Variants in TYW1 observed in about 807,000 individuals in gnomAD.
The protein encoded by TYW1 is tRNA-yW synthesizing protein 1 homolog, also known as S-adenosyl-L-methionine-dependent tRNA 4-demethylwyosine synthase TYW1.
In TYW1, 46 loss-of-function variants were observed where a neutral mutation model predicts 96.2. The ratio of observed to expected loss-of-function variants is 0.48; its 90% CI spans 0.38 to 0.61. The LOEUF is 0.61. TYW1 is among the 20% of genes least tolerant of loss of function. The pLI is 0.00. For missense variants in TYW1, 684 were observed against 909.6 expected, an observed-to-expected ratio of 0.75 and a Z score of 3.19; for synonymous variants, 274 against 323.0, an observed-to-expected ratio of 0.85 and a Z score of 1.63.
chr7:67,083,670 G>T, intron 11 of TYW1, 131 bp downstream of exon 11: 1 of 965,916 alleles, frequency 1.0e-6, no homozygotes, highest in East Asian at 2.7e-5. Context: ...TGAAAACTTT[G>T]TAGGAATATT....
intron 12 of TYW1, 31 bp from the exon 13 acceptor site, chr7:67,117,452 T>G: frequency 6.3e-7 from 1 of 1,588,798 alleles, no homozygotes; most frequent in Non-Finnish European, 8.5e-7. Flanking sequence ...GAATAATTTT[T>G]CTTTCTTCTT....
At chr7:67,221,651 C>T (rs1180616601) in intron 15 of TYW1, among the ~76,000 whole-genome samples, 2 of 151,540 alleles carry the variant, frequency 1.3e-5, no homozygotes, top group Non-Finnish European at 2.9e-5. Context: ...TGTGTAGATG[C>T]TGTAGCTATT....
intron 13 of TYW1, among the ~76,000 whole-genome samples, chr7:67,134,290 C>CTCAG (rs1798177040): frequency 6.6e-6 from 1 of 152,066 alleles, no homozygotes; most frequent in East Asian, 1.9e-4. Flanking sequence ...CGCCTGTAAT[C>CTCAG]TCAGCACTTT....
intron 8 of TYW1, among the ~76,000 whole-genome samples, chr7:67,055,397 G>A (rs1795476214): frequency 6.6e-6 from 1 of 152,068 alleles, no homozygotes; most frequent in East Asian, 1.9e-4. Context: ...AGGAGTTCGA[G>A]ACCAGCCTGG....
At chr7:67,219,698 GT>G (rs60226540) in intron 15 of TYW1, among the ~76,000 whole-genome samples, 39,992 of 147,276 alleles carry the variant, frequency 0.27, 5,633 homozygotes, top group African/African-American at 0.36. Flanking sequence ...CACTCTTACA[GT>G]TTTTTTTTTT....
intron 14 of TYW1, among the ~76,000 whole-genome samples, chr7:67,185,452 A>T (rs1425777236): frequency 6.6e-6 from 1 of 152,066 alleles, no homozygotes; most frequent in Non-Finnish European, 1.5e-5. Flanking sequence ...TACATTTAGG[A>T]TTCCTTTTGG....
intron 7 of TYW1, among the ~76,000 whole-genome samples, chr7:67,047,142 G>C (rs1795211811): frequency 6.6e-6 from 1 of 152,198 alleles, no homozygotes; most frequent in Non-Finnish European, 1.5e-5. Flanking sequence ...ATGATTTGTA[G>C]AGGAATTATA....
chr7:67,166,949 C>T (rs566656705), intron 13 of TYW1, among the ~76,000 whole-genome samples: 119 of 152,268 alleles, frequency 7.8e-4, no homozygotes, highest in African/African-American at 2.6e-3. Context: ...GCCAGACAAT[C>T]GCACGGCCAT....
At chr7:67,085,184 C>A (rs545702046) in intron 11 of TYW1, among the ~76,000 whole-genome samples, 1 of 152,142 alleles carries the variant, frequency 6.6e-6, no homozygotes, top group African/African-American at 2.4e-5. Context: ...GCCACTCATT[C>A]GTAATATTAT....
intron 13 of TYW1, among the ~76,000 whole-genome samples, chr7:67,163,948 C>T (rs1003742420): frequency 2.0e-4 from 30 of 152,140 alleles, no homozygotes; most frequent in Admixed American, 1.7e-3. Context: ...GGATTACAAG[C>T]GTAAACCACC....
chr7:67,111,106 A>G (rs1159857260), intron 12 of TYW1, among the ~76,000 whole-genome samples: 2 of 152,222 alleles, frequency 1.3e-5, no homozygotes, highest in African/African-American at 2.4e-5. Flanking sequence ...ACAGAATAGA[A>G]TCCATCTACA....
At chr7:67,039,811 T>C (rs1298679868) in intron 7 of TYW1, among the ~76,000 whole-genome samples, 6 of 151,604 alleles carry the variant, frequency 4.0e-5, no homozygotes, top group Non-Finnish European at 5.9e-5. Flanking sequence ...TACAGGTACG[T>C]GCCACCACGC....
At chr7:67,149,746 C>CTATCTATG (rs1798736883) in intron 13 of TYW1, among the ~76,000 whole-genome samples, 2 of 82,358 alleles carry the variant, frequency 2.4e-5, no homozygotes, top group Non-Finnish European at 5.1e-5. Context: ...ATCTATCTAT[C>CTATCTATG]TATCTATCTA....
intron 3 of TYW1, among the ~76,000 whole-genome samples, chr7:66,999,287 T>G (rs1793297234): frequency 6.6e-6 from 1 of 152,086 alleles, no homozygotes; most frequent in African/African-American, 2.4e-5. Flanking sequence ...AAGTAGGGAA[T>G]AGGGAAAAAA....
rs182989657 is a variant in TYW1, at chr7:67,033,966, T to C, written c.984+8944T>C. Among the ~76,000 whole-genome samples, 65 of 152,276 alleles carry C rather than the reference T, an allele frequency of 4.3e-4. No homozygotes were observed. In the East Asian group the frequency reaches 0.01, roughly 24 times the overall value. ...CCTCGGCCTCCCAGAGTGCTGGGAT[T>C]ACAGGCGTGAGCCACCGTTCCTGGC... On this transcript the variant is annotated intron_variant, in intron 7 of 15. Transcript: ENST00000359626.
intron 6 of TYW1, among the ~76,000 whole-genome samples, chr7:67,020,917 A>G (rs1456065894): frequency 2.0e-5 from 3 of 152,260 alleles, no homozygotes; most frequent in Non-Finnish European, 4.4e-5. Context: ...AATCCCAGCT[A>G]CTCGGGAGGC....
At chr7:67,100,266 C>T (rs1191065380) in intron 12 of TYW1, among the ~76,000 whole-genome samples, 1 of 152,058 alleles carries the variant, frequency 6.6e-6, no homozygotes, top group African/African-American at 2.4e-5. Context: ...CCTGGGGCCT[C>T]TGGGGAAATG....
At chr7:67,225,546 C>G (rs537305494) in intron 15 of TYW1, among the ~76,000 whole-genome samples, 10 of 152,290 alleles carry the variant, frequency 6.6e-5, no homozygotes, top group African/African-American at 2.4e-4. Context: ...ACCCTCCCAT[C>G]TTGGAATAAG....
chr7:67,196,568 T>C (rs2421393), intron 15 of TYW1, among the ~76,000 whole-genome samples: 43,863 of 151,882 alleles, frequency 0.29, 7,029 homozygotes, highest in African/African-American at 0.43. Flanking sequence ...ATTTAACCCT[T>C]TCACTTTTTC....
Sources: gnomAD v4.1 joint callset for allele counts (sites outside exome capture counted in the v4.1 genomes callset) on GRCh38, gnomAD v4.1.1 for gene constraint, MANE v1.5 for transcripts, NCBI Gene and HGNC (gene_info 2026-07-23, HGNC 2026-07-21) for gene names.